Variants in PDZK1IP1 observed in about 807,000 individuals in gnomAD.
PDZK1IP1 encodes the protein PDZK1-interacting protein 1.
PDZK1IP1 carries 9 observed loss-of-function variants against 14.7 expected under a neutral mutation model. The observed-to-expected ratio is 0.61, with a 90% CI of 0.37 to 1.07. PDZK1IP1 has a LOEUF of 1.07. PDZK1IP1 is among the 50% of genes least tolerant of loss of function. PDZK1IP1 has a pLI of 0.01. For missense variants in PDZK1IP1, 152 were observed against 148.7 expected, an observed-to-expected ratio of 1.02 and a Z score of -0.11; for synonymous variants, 70 against 61.2, an observed-to-expected ratio of 1.14 and a Z score of -0.67.
chr1:47,184,772 G>A (rs1023461511), intron 3 of PDZK1IP1, among the ~76,000 whole-genome samples: 14 of 149,520 alleles, frequency 9.4e-5, no homozygotes, highest in Non-Finnish European at 1.5e-4. Flanking sequence ...CCTCCCCTAC[G>A]CTGAACCCTA....
At position 47,189,905 on chromosome 1, in the gene PDZK1IP1, C is replaced by A; in HGVS notation, c.28G>T (p.Gly10Cys). 6.3e-7 allele frequency: 1 copy of A among 1,596,908 alleles called. No individual in the cohort carries two copies. The highest frequency in any genetic ancestry group is 1.1e-5 in the South Asian group (1 of 90,196). MSALSLLIL[G>C]LLTAVPPASC... is the part of the protein sequence containing the mutation. The stretch of plus-strand genomic sequence containing the variant: ...GCAGGTGGCACTGCCGTGAGCAGGC[C>A]CAGAATGAGGAGGCTGAGGGCCGAC... Residue 10 changes from glycine to cysteine, a missense_variant, in exon 1 of 4, where the codon GGC becomes TGC. Transcript: ENST00000294338.
chr1:47,186,083 G>C (rs1454965208), intron 2 of PDZK1IP1, among the ~76,000 whole-genome samples: 1 of 152,152 alleles, frequency 6.6e-6, no homozygotes, highest in African/African-American at 2.4e-5. Flanking sequence ...GGCTGAGGCA[G>C]GCGGATCACG....
At chr1:47,185,356 A>G in intron 2 of PDZK1IP1, 3 of 450,248 alleles carry the variant, frequency 6.7e-6, no homozygotes, top group Non-Finnish European at 1.2e-5. Flanking sequence ...AGACGCCCTC[A>G]GTTCAGCCTC....
At chr1:47,184,078 G>C (rs200439136) in intron 3 of PDZK1IP1, 35 bp from the exon 4 acceptor site, 1 of 1,483,608 alleles carries the variant, frequency 6.7e-7, no homozygotes. Flanking sequence ...ATGGGTCATC[G>C]CTCCTCCCAT....
Position 47,183,911 on chromosome 1 carries a change from G to T in PDZK1IP1, c.*60C>A, listed in dbSNP as rs912690486. On this transcript the variant is annotated 3_prime_UTR_variant, in exon 4 of 4. Coordinates refer to ENST00000294338, the MANE Select transcript of PDZK1IP1 (RefSeq NM_005764.4). ...CACAAAGAAGGAGGGGGCTTGGGTG[G>T]TAGCACTGGACATCCATCCCATGTG... is the stretch of plus-strand genomic sequence containing the variant. The T allele has an allele frequency of 4.4e-6, 6 of 1,353,332 alleles. No individual in the cohort carries two copies. The highest frequency in any genetic ancestry group is 6.2e-6 in the Non-Finnish European group (6 of 963,294). The allele number at this position is 1,353,332 out of a possible 1,614,324, so 83.8% of individuals were successfully genotyped here.
chr1:47,185,227 G>T (rs1645312070), intron 2 of PDZK1IP1, 130 bp from the exon 3 acceptor site: 2 of 708,922 alleles, frequency 2.8e-6, no homozygotes, highest in Non-Finnish European at 5.0e-6. Context: ...GTGCAACAGG[G>T]CATGTCAGCC....
chr1:47,184,061 G>A lies in PDZK1IP1; in HGVS notation c.273-18C>T, dbSNP rs1300156607. 1.9e-6 allele frequency: 3 copies of A among 1,559,988 alleles called. No individual in the cohort carries two copies. The highest frequency in any genetic ancestry group is 8.7e-7 in the Non-Finnish European group (1 of 1,145,032). On this transcript the variant is annotated intron_variant, in intron 3 of 3. Transcript: ENST00000294338. ...CACTGGACCTGAAAGAAGAAGGCAT[G>A]GGCCTGATGGGTCATCGCTCCTCCC...
intron 1 of PDZK1IP1, among the ~76,000 whole-genome samples, 164 bp downstream of exon 1, chr1:47,189,702 G>T (rs1450304722): frequency 1.3e-5 from 2 of 152,244 alleles, no homozygotes; most frequent in African/African-American, 4.8e-5. Flanking sequence ...ACAAGTGACA[G>T]GCAGAGACTT....
intron 2 of PDZK1IP1, among the ~76,000 whole-genome samples, chr1:47,185,768 G>C (rs1243288701): frequency 6.6e-6 from 1 of 151,906 alleles, no homozygotes; most frequent in Non-Finnish European, 1.5e-5. Flanking sequence ...TCCTCCCCTC[G>C]AGTCCGCTGC....
chr1:47,184,097 C>T lies in PDZK1IP1; in HGVS notation c.273-54G>A. 2.3e-6 allele frequency: 3 copies of T among 1,322,534 alleles called. No individual in the cohort carries two copies. The South Asian group carries it at 3.8e-5, about 17-fold the overall frequency. 81.9% of individuals were successfully genotyped at this position (1,322,534 alleles called of 1,614,324 possible). On this transcript the variant is annotated intron_variant, in intron 3 of 3. Coordinates refer to ENST00000294338, the MANE Select transcript of PDZK1IP1 (RefSeq NM_005764.4). ...GTCATCGCTCCTCCCATTCTATCCC[C>T]TTCTCCCTGCCCCTTCCTGCACTTG...
intron 2 of PDZK1IP1, 89 bp from the exon 3 acceptor site, chr1:47,185,186 G>T: frequency 1.0e-6 from 1 of 1,000,502 alleles, no homozygotes; most frequent in South Asian, 1.3e-5. Flanking sequence ...TCACAAGCCC[G>T]AAGGCTAGCA....
chr1:47,185,814 C>T (rs1645315933), intron 2 of PDZK1IP1, among the ~76,000 whole-genome samples: 1 of 152,020 alleles, frequency 6.6e-6, no homozygotes, highest in Non-Finnish European at 1.5e-5. Flanking sequence ...TGCCCACCTC[C>T]TAGACAGCGC....
At chr1:47,187,297 G>T (rs1246740588) in intron 2 of PDZK1IP1, 22 bp downstream of exon 2, 1 of 1,573,176 alleles carries the variant, frequency 6.4e-7, no homozygotes, top group South Asian at 1.1e-5. Context: ...TGCCTGCTCA[G>T]GGACCCTTGG....
chr1:47,185,010 G>A lies in PDZK1IP1; in HGVS notation c.264C>T (p.Ala88=), dbSNP rs934942448. The change falls in exon 3 of 4, where the codon GCC becomes GCT. Residue 88 remains alanine (A), a synonymous_variant. Coordinates refer to ENST00000294338, the MANE Select transcript of PDZK1IP1 (RefSeq NM_005764.4). ...CCTGCCCTGCACCTCACCTGAAACT[G>A]GCCGCCATCGAAGAGTACCTTCCAT... The part of the protein sequence containing the change: ...GTDGRYSSMA[A]SFRSSEHENA... 2 of 1,612,618 alleles carry A rather than the reference G, an allele frequency of 1.2e-6. No homozygotes were observed. Among genetic ancestry groups the A allele is most frequent in the African/African-American group, 2.7e-5 (2 of 74,858 alleles).
intron 2 of PDZK1IP1, among the ~76,000 whole-genome samples, chr1:47,185,971 A>G (rs974865802): frequency 2.5e-4 from 38 of 152,062 alleles, no homozygotes; most frequent in African/African-American, 8.2e-4. Context: ...AGGCAGCCAG[A>G]GTCATTCTGC....
At chr1:47,184,968 A>G (rs759503966) in intron 3 of PDZK1IP1, 34 bp downstream of exon 3, 1 of 1,524,336 alleles carries the variant, frequency 6.6e-7, no homozygotes, top group South Asian at 1.1e-5. Flanking sequence ...AGGCCCTGGG[A>G]GCACAGACCG....
intron 1 of PDZK1IP1, among the ~76,000 whole-genome samples, chr1:47,189,562 T>C (rs1243837930): frequency 6.6e-6 from 1 of 152,146 alleles, no homozygotes; most frequent in East Asian, 1.9e-4. Flanking sequence ...ACCCTACTTG[T>C]ACCCCCGGGT....
intron 1 of PDZK1IP1, among the ~76,000 whole-genome samples, chr1:47,188,524 C>T (rs1440748126): frequency 6.6e-6 from 1 of 152,198 alleles, no homozygotes; most frequent in African/African-American, 2.4e-5. Flanking sequence ...AGGGGTCCTG[C>T]CTCCAGGCCA....
chr1:47,186,200 C>T (rs1015198870), intron 2 of PDZK1IP1, among the ~76,000 whole-genome samples: 1 of 151,678 alleles, frequency 6.6e-6, no homozygotes, highest in African/African-American at 2.4e-5. Context: ...CCCAGCTACT[C>T]GGGAGGCTGG....
Sources: gnomAD v4.1 joint callset for allele counts (sites outside exome capture counted in the v4.1 genomes callset) on GRCh38, gnomAD v4.1.1 for gene constraint, MANE v1.5 for transcripts, NCBI Gene and HGNC (gene_info 2026-07-23, HGNC 2026-07-21) for gene names.